RBM19: variants seen among roughly 807,000 people sequenced by gnomAD.
The protein encoded by RBM19 is probable RNA-binding protein 19.
RBM19 carries 94 observed loss-of-function variants against 116.8 expected under a neutral mutation model. The ratio of observed to expected loss-of-function variants is 0.80; its 90% CI spans 0.68 to 0.95. RBM19 has a LOEUF of 0.95. RBM19 is among the 40% of genes least tolerant of loss of function. RBM19 has a pLI of 0.00. For synonymous variants in RBM19, 475 were observed against 494.1 expected (o/e 0.96, Z 0.51); for missense variants, 1,161 against 1,220.7 (o/e 0.95, Z 0.73).
chr12:113,881,980 G>T (rs1311750789), intron 21 of RBM19, among the ~76,000 whole-genome samples: 1 of 152,234 alleles, frequency 6.6e-6, no homozygotes, highest in Non-Finnish European at 1.5e-5. Context: ...TGTGCTGCTG[G>T]CCACTCGGTA....
intron 14 of RBM19, 42 bp from the exon 15 acceptor site, chr12:113,940,202 G>A (rs1020407534): frequency 4.4e-6 from 7 of 1,578,776 alleles, no homozygotes; most frequent in Non-Finnish European, 6.1e-6. Context: ...ACAGGAGGGA[G>A]GAGGGTCCCC....
rs908414243 is a variant in RBM19 at position 113,846,837 on chromosome 12, C to T, written c.2665-2049G>A. ...AAGCAATCCTCCCACCTTGGCCTAC[C>T]GAGTAACTGGGACCACAGGCACATG... is the stretch of plus-strand genomic sequence containing the variant. On this transcript the variant is annotated intron_variant, in intron 22 of 23. Coordinates refer to ENST00000261741, the MANE Select transcript of RBM19 (RefSeq NM_016196.4). Among the ~76,000 whole-genome samples, 5 of 152,296 alleles carry T rather than the reference C, an allele frequency of 3.3e-5. No individual in the cohort carries two copies. In the South Asian group the frequency reaches 8.3e-4, roughly 25 times the overall value.
At chr12:113,864,317 G>A (rs976110961) in intron 21 of RBM19, among the ~76,000 whole-genome samples, 4 of 152,318 alleles carry the variant, frequency 2.6e-5, no homozygotes, top group Non-Finnish European at 5.9e-5. Context: ...AGCTGCATGG[G>A]AAGCCTCTTA....
intron 21 of RBM19, among the ~76,000 whole-genome samples, chr12:113,862,635 A>G (rs769738093): frequency 6.6e-5 from 10 of 152,132 alleles, no homozygotes; most frequent in Non-Finnish European, 1.2e-4. Flanking sequence ...AGCTGAGGCC[A>G]GTGTTGGGGC....
At chr12:113,872,385 G>A (rs1879292181) in intron 21 of RBM19, among the ~76,000 whole-genome samples, 1 of 149,968 alleles carries the variant, frequency 6.7e-6, no homozygotes, top group South Asian at 2.1e-4. Flanking sequence ...CCCCGTCCGG[G>A]AGGGAGGTGG....
At chr12:113,955,062 C>T (rs1340813472) in intron 7 of RBM19, 69 bp downstream of exon 7, 1 of 1,510,290 alleles carries the variant, frequency 6.6e-7, no homozygotes, top group Admixed American at 1.7e-5. Flanking sequence ...GCACCAAAGG[C>T]TCCTGGCCTC....
chr12:113,835,583 C>G (rs376115311), intron 23 of RBM19, among the ~76,000 whole-genome samples: 1 of 152,204 alleles, frequency 6.6e-6, no homozygotes, highest in South Asian at 2.1e-4. Flanking sequence ...AGCAAGCAGG[C>G]TCCTTCCCTG....
chr12:113,920,813 C>A (rs1327650894), intron 18 of RBM19, 123 bp from the exon 19 acceptor site: 19 of 852,060 alleles, frequency 2.2e-5, no homozygotes, highest in Non-Finnish European at 2.8e-5. Flanking sequence ...CCCCTTCATT[C>A]CCCCCAAAAA....
intron 21 of RBM19, among the ~76,000 whole-genome samples, chr12:113,891,227 C>T (rs1453499450): frequency 6.6e-6 from 1 of 152,220 alleles, no homozygotes; most frequent in Non-Finnish European, 1.5e-5. Flanking sequence ...CCCGCCATCT[C>T]CTGCCCTGTC....
rs143066647 is a variant in RBM19 at position 113,898,647 on chromosome 12, C to T, written c.2558+16322G>A. ...GACTCAGAGAAGCAAGAGGTCTAAT[C>T]GTGCTGAACCAGCAAATGAAGCCTT... On this transcript the variant is annotated intron_variant, in intron 21 of 23. Transcript: ENST00000261741. The surrounding 1 kb of genome is among the most constrained non-coding windows in gnomAD (Gnocchi z 4.3). Among the ~76,000 whole-genome samples, 30 of 152,342 alleles carry T rather than the reference C, an allele frequency of 2.0e-4. No individual in the cohort carries two copies. Among genetic ancestry groups the T allele is most frequent in the African/African-American group, 6.3e-4 (26 of 41,578 alleles).
chr12:113,911,442 G>C (rs564924016), intron 21 of RBM19, among the ~76,000 whole-genome samples: 1 of 152,254 alleles, frequency 6.6e-6, no homozygotes, highest in South Asian at 2.1e-4. Flanking sequence ...GACCTTCAAG[G>C]CTTCAGCACT....
chr12:113,850,450 C>A (rs1046993324), intron 22 of RBM19, among the ~76,000 whole-genome samples: 3 of 152,228 alleles, frequency 2.0e-5, no homozygotes, highest in African/African-American at 7.2e-5. Context: ...TGGCCTCCTG[C>A]CGCCTTTTCT....
intron 2 of RBM19, 31 bp from the exon 3 acceptor site, chr12:113,960,209 T>A: frequency 6.2e-7 from 1 of 1,612,242 alleles, no homozygotes; most frequent in Non-Finnish European, 8.5e-7. Context: ...TTTTCACACC[T>A]GCCATGGCAC....
At chr12:113,925,909 T>G (rs1381834094) in intron 17 of RBM19, among the ~76,000 whole-genome samples, 1 of 152,236 alleles carries the variant, frequency 6.6e-6, no homozygotes, top group Non-Finnish European at 1.5e-5. Flanking sequence ...TATCTACCTT[T>G]TGGATGCTAC....
intron 5 of RBM19, among the ~76,000 whole-genome samples, chr12:113,958,264 T>C (rs529911039): frequency 2.6e-5 from 4 of 152,162 alleles, no homozygotes; most frequent in East Asian, 1.9e-4. Flanking sequence ...GTGCCACACA[T>C]TGAGCTCCTG....
rs970163147 is a variant in RBM19 at position 113,825,510 on chromosome 12, CA to C, written c.2786-2190del. Among the ~76,000 whole-genome samples, 7 of 152,158 alleles carry C rather than the reference CA, an allele frequency of 4.6e-5. No homozygotes were observed. The highest frequency in any genetic ancestry group is 1.7e-4 in the African/African-American group (7 of 41,442). ...ATAGGAACTGGAAAATAGAACGCAA[CA>C]AAACAGGGCCCACAGGCGATCACTG... is the stretch of plus-strand genomic sequence containing the variant. On this transcript the variant is annotated intron_variant, in intron 23 of 23. Coordinates refer to ENST00000261741, the MANE Select transcript of RBM19 (RefSeq NM_016196.4). The surrounding 1 kb of genome is among the most constrained non-coding windows in gnomAD (Gnocchi z 5.7).
intron 21 of RBM19, among the ~76,000 whole-genome samples, chr12:113,883,084 G>C (rs1277832575): frequency 6.6e-6 from 1 of 152,196 alleles, no homozygotes; most frequent in East Asian, 1.9e-4. Flanking sequence ...CAGACAGAGA[G>C]AGGTTGTAGG....
chr12:113,818,639 AC>A (rs1188942312), downstream of RBM19, among the ~76,000 whole-genome samples: 1 of 152,216 alleles, frequency 6.6e-6, no homozygotes, highest in Non-Finnish European at 1.5e-5. Flanking sequence ...TCCATTCATG[AC>A]CTTCTGTTTC....
chr12:113,947,183 G>T, intron 11 of RBM19, 151 bp downstream of exon 11: 9 of 1,021,514 alleles, frequency 8.8e-6, no homozygotes, highest in East Asian at 7.7e-5. Flanking sequence ...CCAGTGGCTT[G>T]AGTGAGGCAG....
Sources: allele counts gnomAD v4.1 joint callset (sites outside exome capture counted in the v4.1 genomes callset), GRCh38; gene constraint gnomAD v4.1.1; non-coding constraint Gnocchi (gnomAD v3.1); transcripts MANE v1.5; gene names NCBI Gene and HGNC (gene_info 2026-07-23, HGNC 2026-07-21).